Variants in SPHKAP observed in about 807,000 individuals in gnomAD.
The protein encoded by SPHKAP is A-kinase anchor protein SPHKAP.
Under a neutral mutation model 137.5 loss-of-function variants are expected in SPHKAP, and 67 were observed. The observed-to-expected ratio is 0.49, with a 90% confidence interval of 0.40 to 0.60. The LOEUF is 0.60. SPHKAP is among the 20% of genes least tolerant of loss of function. The probability of loss-of-function intolerance (pLI) is 0.00; values close to 1 mark genes in which losing one functional copy is unlikely to be tolerated. For synonymous variants in SPHKAP, 813 were observed against 785.3 expected (o/e 1.04, Z -0.59); for missense variants, 2,097 against 2,069.3 (o/e 1.01, Z -0.26).
chr2:228,085,738 G>C (rs1697516012), intron 3 of SPHKAP, among the ~76,000 whole-genome samples: 1 of 152,040 alleles, frequency 6.6e-6, no homozygotes, highest in African/African-American at 2.4e-5. Flanking sequence ...TCCGTTACAG[G>C]TTTTCAGATT....
chr2:228,135,860 T>C (rs932518853), intron 1 of SPHKAP, among the ~76,000 whole-genome samples: 11 of 152,116 alleles, frequency 7.2e-5, no homozygotes, highest in Admixed American at 5.2e-4. Context: ...AGCAAATGCA[T>C]CTTCTGAAAC....
chr2:228,009,075 C>A (rs1694257740), intron 7 of SPHKAP, among the ~76,000 whole-genome samples: 1 of 152,178 alleles, frequency 6.6e-6, no homozygotes, highest in Non-Finnish European at 1.5e-5. Context: ...GAACTGACAT[C>A]ATGAAAATAT....
At chr2:228,147,793 C>T (rs6753850) in intron 1 of SPHKAP, among the ~76,000 whole-genome samples, 10,727 of 152,152 alleles carry the variant, frequency 0.071, 1,170 homozygotes, top group African/African-American at 0.23. Flanking sequence ...TTTACATTTG[C>T]CACTTTAAAT....
intron 3 of SPHKAP, among the ~76,000 whole-genome samples, chr2:228,060,036 A>G (rs1696584094): frequency 6.6e-6 from 1 of 152,204 alleles, no homozygotes; most frequent in Non-Finnish European, 1.5e-5. Context: ...CACAAAATCA[A>G]CAAACAGTAG....
chr2:228,080,778 AAAATAAAACC>A (rs1411886472), intron 3 of SPHKAP, among the ~76,000 whole-genome samples: 58 of 117,746 alleles, frequency 4.9e-4, no homozygotes, highest in African/African-American at 2.0e-3. Flanking sequence ...AAAATAAAAT[AAAATAAAACC>A]AAACCACAAT....
intron 3 of SPHKAP, among the ~76,000 whole-genome samples, chr2:228,072,996 G>C (rs962649916): frequency 5.3e-5 from 8 of 152,348 alleles, no homozygotes; most frequent in East Asian, 3.9e-4. Flanking sequence ...CAAACTGTGT[G>C]AGCATAATGA....
At chr2:227,990,827 G>A (rs1693385265) in intron 11 of SPHKAP, 173 bp downstream of exon 11, 2 of 678,050 alleles carry the variant, frequency 2.9e-6, no homozygotes, top group Non-Finnish European at 4.9e-6. Context: ...GAAACGCTAA[G>A]TATATTATAT....
At chr2:228,060,917 C>A (rs908529634) in intron 3 of SPHKAP, among the ~76,000 whole-genome samples, 4 of 152,116 alleles carry the variant, frequency 2.6e-5, no homozygotes, top group Admixed American at 2.0e-4. Context: ...GGTTGAGGAA[C>A]AGCAGCCCTT....
At position 228,017,056 on chromosome 2, in the gene SPHKAP, G is replaced by T. The variant is rs780431640; in HGVS notation, c.3798C>A (p.Asn1266Lys). 1.9e-6 allele frequency: 3 copies of T among 1,614,028 alleles called. No individual in the cohort carries two copies. The highest frequency in any genetic ancestry group is 1.7e-6 in the Non-Finnish European group (2 of 1,180,030). ...KANSLDGFAQ[N>K]CPQDFLSVQP... ...GCACGCTTAGGAAATCTTGTGGGCA[G>T]TTCTGAGCAAAGCCATCTAAAGAGT... Residue 1266 changes from asparagine (N) to lysine (K), a missense_variant, in exon 7 of 12, where the codon AAC (asparagine) becomes AAA (lysine). Coordinates refer to ENST00000392056, the MANE Select transcript of SPHKAP (RefSeq NM_001142644.2).
At chr2:228,097,943 G>C (rs949363410) in intron 3 of SPHKAP, among the ~76,000 whole-genome samples, 1 of 152,162 alleles carries the variant, frequency 6.6e-6, no homozygotes, top group Admixed American at 6.5e-5. Context: ...GTGATGAAGA[G>C]ACGAGTACAT....
intron 1 of SPHKAP, among the ~76,000 whole-genome samples, chr2:228,159,127 T>C (rs1700198953): frequency 6.6e-6 from 1 of 152,156 alleles, no homozygotes; most frequent in Non-Finnish European, 1.5e-5. Context: ...TCCCCTGCTG[T>C]CCCACCCTGC....
chr2:228,070,227 C>G (rs371075787), intron 3 of SPHKAP, among the ~76,000 whole-genome samples: 1 of 152,006 alleles, frequency 6.6e-6, no homozygotes, highest in South Asian at 2.1e-4. Context: ...ATATATATTA[C>G]GTAATGATTC....
chr2:228,156,731 G>A (rs1700118236), intron 1 of SPHKAP, among the ~76,000 whole-genome samples: 1 of 152,126 alleles, frequency 6.6e-6, no homozygotes, highest in African/African-American at 2.4e-5. Flanking sequence ...ATGGGAGTAG[G>A]TCTTTTCTGT....
chr2:228,140,954 A>G (rs1194153598), intron 1 of SPHKAP, among the ~76,000 whole-genome samples: 1 of 152,152 alleles, frequency 6.6e-6, no homozygotes. Context: ...CCAATTAAAC[A>G]TCTCTTCTGA....
Position 228,018,111 on chromosome 2 carries a change from T to C in SPHKAP, c.2743A>G (p.Thr915Ala), listed in dbSNP as rs1374064867. 2 of 1,614,110 alleles carry C rather than the reference T, an allele frequency of 1.2e-6. No individual in the cohort carries two copies. The highest frequency in any genetic ancestry group is 1.7e-5 in the Admixed American group (1 of 60,020). The change falls in exon 7 of 12, where the codon ACG becomes GCG. Residue 915 changes from threonine (T) to alanine (A), a missense_variant. Physicochemically the swap from Thr to Ala is moderately conservative, Grantham distance 58. Coordinates refer to ENST00000392056, the MANE Select transcript of SPHKAP (RefSeq NM_001142644.2). ...GDDLLLPAQSTLQTKHPDIYC... is the reference protein window; with the variant it reads ...GDDLLLPAQSALQTKHPDIYC... ...ATGTCTGGATGCTTTGTTTGAAGCGTGGATTGAGCAGGAAGCAGCAGGTCA... is the reference window on the plus strand; with the variant it reads ...ATGTCTGGATGCTTTGTTTGAAGCGCGGATTGAGCAGGAAGCAGCAGGTCA...
At chr2:228,034,274 A>T (rs995916691) in intron 3 of SPHKAP, among the ~76,000 whole-genome samples, 1 of 152,228 alleles carries the variant, frequency 6.6e-6, no homozygotes, top group Admixed American at 6.5e-5. Context: ...AAACTAGAAA[A>T]TCTAGAAGAA....
At chr2:228,089,102 A>C (rs773562275) in intron 3 of SPHKAP, among the ~76,000 whole-genome samples, 1 of 152,220 alleles carries the variant, frequency 6.6e-6, no homozygotes, top group Non-Finnish European at 1.5e-5. Flanking sequence ...AAAGTTTGCA[A>C]GTTCTTAGAC....
At chr2:227,997,199 T>A (rs1343566294) in intron 7 of SPHKAP, among the ~76,000 whole-genome samples, 1 of 152,244 alleles carries the variant, frequency 6.6e-6, no homozygotes, top group Non-Finnish European at 1.5e-5. Context: ...CCCCTGCTTA[T>A]CAAGTTTCAT....
At chr2:228,108,709 T>G (rs773869188) in intron 3 of SPHKAP, 123 bp downstream of exon 3, 1 of 661,736 alleles carries the variant, frequency 1.5e-6, no homozygotes, top group Non-Finnish European at 2.6e-6. Context: ...GCTATGTATT[T>G]TCAAAGGAAT....
Sources: allele counts gnomAD v4.1 joint callset (sites outside exome capture counted in the v4.1 genomes callset), GRCh38; gene constraint gnomAD v4.1.1; transcripts MANE v1.5; gene names NCBI Gene and HGNC (gene_info 2026-07-23, HGNC 2026-07-21).